Variants in SLC12A8 observed in about 807,000 individuals in gnomAD.
The protein encoded by SLC12A8 is solute carrier family 12 member 8.
Under a neutral mutation model 75.6 loss-of-function variants are expected in SLC12A8, and 69 were observed. That is an observed-to-expected ratio of 0.91 (90% CI 0.75 to 1.11). SLC12A8 has a LOEUF of 1.11. SLC12A8 is among the 50% of genes most tolerant of loss of function. The pLI, the probability that SLC12A8 is intolerant of heterozygous loss-of-function variation, is 0.00. For missense variants in SLC12A8, 877 were observed against 896.7 expected, an observed-to-expected ratio of 0.98 and a Z score of 0.28; for synonymous variants, 365 against 372.8, an observed-to-expected ratio of 0.98 and a Z score of 0.24.
chr3:125,150,215 G>A (rs1263140554), intron 5 of SLC12A8, among the ~76,000 whole-genome samples: 1 of 152,192 alleles, frequency 6.6e-6, no homozygotes, highest in Non-Finnish European at 1.5e-5. Context: ...GGTGGGATGT[G>A]TTGTATTCAA....
At chr3:125,155,363 A>C (rs1463514761) in intron 5 of SLC12A8, among the ~76,000 whole-genome samples, 1 of 152,152 alleles carries the variant, frequency 6.6e-6, no homozygotes, top group Non-Finnish European at 1.5e-5. Context: ...TCAGTGTTTC[A>C]AAAAGTATTA....
chr3:125,182,580 C>G (rs1454763289), intron 4 of SLC12A8, among the ~76,000 whole-genome samples: 2 of 149,620 alleles, frequency 1.3e-5, no homozygotes, highest in Non-Finnish European at 3.0e-5. Context: ...GATCTCAGTT[C>G]ACTGCAACCT....
rs758280406 is a variant in SLC12A8, at chr3:125,178,003, A to C, written c.391-29T>G. On this transcript the variant is annotated intron_variant, in intron 4 of 13. Transcript: ENST00000469902. ...ACATGCGATTCCAGGTAGAAGAGTCAGCAGGACAGAAAGCCATGGGCCCAT... is the reference window on the plus strand; with the variant it reads ...ACATGCGATTCCAGGTAGAAGAGTCCGCAGGACAGAAAGCCATGGGCCCAT... 6 of 1,589,112 alleles carry C rather than the reference A, an allele frequency of 3.8e-6. No homozygotes were observed. The South Asian group carries it at 4.5e-5, about 12-fold the overall frequency.
intron 5 of SLC12A8, among the ~76,000 whole-genome samples, chr3:125,159,930 C>T (rs375301528): frequency 6.6e-6 from 1 of 152,158 alleles, no homozygotes; most frequent in East Asian, 1.9e-4. Flanking sequence ...GGAGATGCAA[C>T]TGGAAAGAAG....
At chr3:125,208,824 A>AGAGC (rs144988140) in intron 2 of SLC12A8, among the ~76,000 whole-genome samples, 1,451 of 127,006 alleles carry the variant, frequency 0.011, 47 homozygotes, top group African/African-American at 0.034. Flanking sequence ...AGAGAGAGAG[A>AGAGC]GCTACCCTAT....
intron 5 of SLC12A8, among the ~76,000 whole-genome samples, chr3:125,169,561 G>C (rs1934364764): frequency 6.6e-6 from 1 of 152,122 alleles, no homozygotes; most frequent in South Asian, 2.1e-4. Flanking sequence ...TGTGCCAGGG[G>C]AAAGCATCTG....
chr3:125,118,596 T>G (rs1446578619), intron 8 of SLC12A8, among the ~76,000 whole-genome samples, 173 bp downstream of exon 8: 3 of 152,142 alleles, frequency 2.0e-5, no homozygotes, highest in African/African-American at 7.2e-5. Flanking sequence ...AACACTGCAC[T>G]CCAGCCTAGG....
rs1382215246 is a variant in SLC12A8 at position 125,091,429 on chromosome 3, T to C, written c.1921+10A>G. 6.3e-7 allele frequency: 1 copy of C among 1,598,442 alleles called. No individual in the cohort carries two copies. Among genetic ancestry groups the C allele is most frequent in the South Asian group, 1.1e-5 (1 of 90,760 alleles). On this transcript the variant is annotated intron_variant, in intron 12 of 13. Coordinates refer to ENST00000469902, the MANE Select transcript of SLC12A8 (RefSeq NM_024628.6). ...GAGGGAACCAGTGGCAAAATGGCTCTGCTGCTTACCAAGGTGAAGCCCTGG... is the reference window on the plus strand; with the variant it reads ...GAGGGAACCAGTGGCAAAATGGCTCCGCTGCTTACCAAGGTGAAGCCCTGG...
intron 13 of SLC12A8, among the ~76,000 whole-genome samples, chr3:125,087,372 C>G (rs140693494): frequency 2.0e-4 from 31 of 151,998 alleles, no homozygotes; most frequent in Non-Finnish European, 5.9e-5. Flanking sequence ...AGATTACAGG[C>G]GTAAGCCACC....
At chr3:125,159,886 C>T (rs778196531) in intron 5 of SLC12A8, among the ~76,000 whole-genome samples, 21 of 152,334 alleles carry the variant, frequency 1.4e-4, no homozygotes, top group Non-Finnish European at 2.8e-4. Flanking sequence ...AAAGTAGGTA[C>T]ATAAATAACC....
At chr3:125,200,335 G>C (rs1457587214) in intron 2 of SLC12A8, among the ~76,000 whole-genome samples, 1 of 152,126 alleles carries the variant, frequency 6.6e-6, no homozygotes, top group Non-Finnish European at 1.5e-5. Context: ...TGTGGTCCTA[G>C]CTATTTAGGA....
In SLC12A8 at chr3:125,126,028, T is replaced by C. The variant is rs1368891793; in HGVS notation, c.737-5342A>G. ...AATTCCAGGAAGCAGTTAATTGCTTTACCCAAAAACATTTTTTCTCCCTGC... is the reference window on the plus strand; with the variant it reads ...AATTCCAGGAAGCAGTTAATTGCTTCACCCAAAAACATTTTTTCTCCCTGC... On this transcript the variant is annotated intron_variant, in intron 6 of 13. Transcript: ENST00000469902. 4 of 565,814 alleles carry C rather than the reference T, an allele frequency of 7.1e-6. No homozygotes were observed. In the African/African-American group the frequency reaches 8.1e-5, roughly 11 times the overall value. 35.0% of individuals were successfully genotyped at this position (565,814 alleles called of 1,614,324 possible).
At chr3:125,112,493 C>A (rs1233658983) in intron 8 of SLC12A8, among the ~76,000 whole-genome samples, 2 of 152,128 alleles carry the variant, frequency 1.3e-5, no homozygotes, top group East Asian at 3.9e-4. Flanking sequence ...TTGTATCATG[C>A]TTCCTGGCCC....
At chr3:125,127,967 C>T (rs900868408) in intron 6 of SLC12A8, among the ~76,000 whole-genome samples, 3 of 152,038 alleles carry the variant, frequency 2.0e-5, no homozygotes. Flanking sequence ...ACCTCCACCT[C>T]CCGGGCTCAA....
chr3:125,162,332 C>T (rs906887913), intron 5 of SLC12A8, among the ~76,000 whole-genome samples: 1 of 152,270 alleles, frequency 6.6e-6, no homozygotes, highest in Admixed American at 6.5e-5. Context: ...GTCCTCAAGG[C>T]TCTCATGTTG....
At chr3:125,168,405 C>T (rs1228961417) in intron 5 of SLC12A8, among the ~76,000 whole-genome samples, 3 of 152,182 alleles carry the variant, frequency 2.0e-5, no homozygotes, top group Non-Finnish European at 4.4e-5. Context: ...GGTGCCCAGA[C>T]AGCCAGGTAG....
chr3:125,166,051 C>T (rs568210179), intron 5 of SLC12A8, among the ~76,000 whole-genome samples: 3 of 152,274 alleles, frequency 2.0e-5, no homozygotes, highest in East Asian at 3.9e-4. Flanking sequence ...TGGCTCTTTC[C>T]GCTTCCAAAC....
chr3:125,122,056 A>G (rs1933073867), intron 6 of SLC12A8, among the ~76,000 whole-genome samples: 1 of 152,234 alleles, frequency 6.6e-6, no homozygotes, highest in South Asian at 2.1e-4. Flanking sequence ...AAGTGATGAT[A>G]TAGCTTTCAA....
chr3:125,198,778 G>A (rs548624042), intron 2 of SLC12A8, among the ~76,000 whole-genome samples: 29 of 122,014 alleles, frequency 2.4e-4, no homozygotes, highest in African/African-American at 8.0e-4. Flanking sequence ...TTAGACAATA[G>A]GATTTTTTTT....
Sources: gnomAD v4.1 joint callset for allele counts (sites outside exome capture counted in the v4.1 genomes callset) on GRCh38, gnomAD v4.1.1 for gene constraint, MANE v1.5 for transcripts, NCBI Gene and HGNC (gene_info 2026-07-23, HGNC 2026-07-21) for gene names.